Variants in COPE observed in about 807,000 individuals in gnomAD.
The protein encoded by COPE is coatomer subunit epsilon.
COPE carries 19 observed loss-of-function variants against 42.1 expected under a neutral mutation model. The observed-to-expected ratio is 0.45, with a 90% CI of 0.31 to 0.66. The LOEUF (loss-of-function observed/expected upper bound fraction) is 0.66, where lower values mean the gene tolerates loss of function less well. Among genes scored for constraint, COPE ranks in the 30% least tolerant of loss-of-function variants. The probability of loss-of-function intolerance (pLI) is 0.05; values close to 1 mark genes in which losing one functional copy is unlikely to be tolerated. For synonymous variants in COPE, 195 were observed against 181.3 expected (o/e 1.08, Z -0.60); for missense variants, 402 against 416.1 (o/e 0.97, Z 0.30).
chr19:18,904,723 T>A, intron 6 of COPE, 48 bp downstream of exon 6: 1 of 1,515,888 alleles, frequency 6.6e-7, no homozygotes, highest in Non-Finnish European at 9.0e-7. Flanking sequence ...CAGACCCTGC[T>A]CAGCCAGGTG....
chr19:18,910,212 G>A (rs866869411), intron 3 of COPE, among the ~76,000 whole-genome samples: 3 of 152,226 alleles, frequency 2.0e-5, no homozygotes, highest in Non-Finnish European at 4.4e-5. Context: ...GCCCATGGGC[G>A]TTTGACCAAC....
intron 4 of COPE, 60 bp from the exon 5 acceptor site, chr19:18,905,689 C>G (rs1192458579): frequency 1.3e-5 from 20 of 1,520,240 alleles, no homozygotes; most frequent in Admixed American, 1.9e-5. Context: ...CATGGCCGCT[C>G]CACACCCAGG....
intron 7 of COPE, among the ~76,000 whole-genome samples, chr19:18,902,339 T>C (rs548302769): frequency 6.6e-6 from 1 of 150,956 alleles, no homozygotes; most frequent in South Asian, 2.1e-4. Context: ...TATATATATA[T>C]TTTTAATTTA....
At chr19:18,901,313 G>T (rs1486458807) in intron 7 of COPE, among the ~76,000 whole-genome samples, 1 of 152,282 alleles carries the variant, frequency 6.6e-6, no homozygotes, top group Non-Finnish European at 1.5e-5. Flanking sequence ...AGAGGATGCG[G>T]CCATGAACAC....
rs371020325 is a variant in COPE at position 18,913,013 on chromosome 19, C to T, written c.160G>A (p.Val54Ile). The change falls in exon 2 of 10, where the codon GTC becomes ATC. Residue 54 changes from valine to isoleucine, a missense_variant. Val to Ile is a conservative substitution (Grantham distance 29). Coordinates refer to ENST00000262812, the MANE Select transcript of COPE (RefSeq NM_007263.4). ...GCCAGGTACGCTCTATACAGGAAGACGTCCCTCTCCACGTCTCTCTCTGGG... is the reference window on the plus strand; with the variant it reads ...GCCAGGTACGCTCTATACAGGAAGATGTCCCTCTCCACGTCTCTCTCTGGG... ...SSPERDVERD[V>I]FLYRAYLAQR... 4.2e-5 allele frequency: 68 copies of T among 1,611,822 alleles called. No individual in the cohort carries two copies. Among genetic ancestry groups the T allele is most frequent in the Non-Finnish European group, 5.2e-5 (61 of 1,179,912 alleles).
Position 18,910,855 on chromosome 19 carries a change from C to A in COPE, c.290+116G>T, listed in dbSNP as rs540551590. On this transcript the variant is annotated intron_variant, in intron 3 of 9. Transcript: ENST00000262812. ...AGCAGGGGAGCAGAGGGGAGAGGCGCCTAATCTGAGGGATGCTGTGCGCTG... is the reference window on the plus strand; with the variant it reads ...AGCAGGGGAGCAGAGGGGAGAGGCGACTAATCTGAGGGATGCTGTGCGCTG... The A allele has an allele frequency of 4.7e-4, 407 of 858,346 alleles. 1 individual carries two copies. In the Middle Eastern group the frequency reaches 8.1e-3, roughly 17 times the overall value. The allele number at this position is 858,346 out of a possible 1,614,324, so 53.2% of individuals were successfully genotyped here.
intron 5 of COPE, 97 bp from the exon 6 acceptor site, chr19:18,904,949 G>T: frequency 8.1e-7 from 1 of 1,227,212 alleles, no homozygotes; most frequent in Non-Finnish European, 1.2e-6. Flanking sequence ...GGAGCCTGGG[G>T]ATGGCCCCTG....
Position 18,919,321 on chromosome 19 carries a change from A to AGGCCGGGCCGGG in COPE, c.16_27dup (p.Pro6_Ala9dup), listed in dbSNP as rs1555711982. On this transcript the variant is annotated inframe_insertion, in exon 1 of 10. Transcript: ENST00000262812. ...TCGTCTACCTCCCCGGAGCCGCCGG[A>AGGCCGGGCCGGG]GGCCGGGCCGGGGGCCGGAGGCGCC... 5.0e-6 allele frequency: 8 copies of AGGCCGGGCCGGG among 1,613,496 alleles called. No homozygotes were observed. Among genetic ancestry groups the AGGCCGGGCCGGG allele is most frequent in the Non-Finnish European group, 6.8e-6 (8 of 1,179,928 alleles).
chr19:18,916,181 T>C (rs1003381644), intron 1 of COPE, among the ~76,000 whole-genome samples: 4 of 151,668 alleles, frequency 2.6e-5, no homozygotes, highest in African/African-American at 9.7e-5. Context: ...CAAGACTCCA[T>C]CTCAAAAACA....
rs774583369 is a variant in COPE at position 18,903,324 on chromosome 19, T to A, written c.679A>T (p.Met227Leu). The A allele has an allele frequency of 6.2e-7, 1 of 1,612,406 alleles. No homozygotes were observed. Among genetic ancestry groups the A allele is most frequent in the Admixed American group, 1.7e-5 (1 of 59,932 alleles). The change falls in exon 7 of 10, where the codon ATG (methionine) becomes TTG (leucine). Residue 227 changes from methionine to leucine, a missense_variant. Transcript: ENST00000262812. ...GCGGCCTCCCAGCGGCCCTGGGCCATGTGGCAGGCCGCCTGCCCATTGAGC... is the reference window on the plus strand; with the variant it reads ...GCGGCCTCCCAGCGGCCCTGGGCCAAGTGGCAGGCCGCCTGCCCATTGAGC... ...LLLNGQAACHMAQGRWEAAEG... is the reference protein window; with the variant it reads ...LLLNGQAACHLAQGRWEAAEG...
intron 5 of COPE, 97 bp from the exon 6 acceptor site, chr19:18,904,949 G>A (rs2056744597): frequency 4.1e-6 from 5 of 1,227,098 alleles, no homozygotes; most frequent in Non-Finnish European, 5.8e-6. Flanking sequence ...GGAGCCTGGG[G>A]ATGGCCCCTG....
intron 1 of COPE, among the ~76,000 whole-genome samples, chr19:18,915,907 TG>T (rs2056849972): frequency 6.6e-6 from 1 of 152,186 alleles, no homozygotes; most frequent in Non-Finnish European, 1.5e-5. Context: ...AGCCTAGTGC[TG>T]GGGGCAGCAA....
chr19:18,901,053 C>T (rs1343307502), intron 7 of COPE, among the ~76,000 whole-genome samples: 1 of 152,230 alleles, frequency 6.6e-6, no homozygotes, highest in Non-Finnish European at 1.5e-5. Flanking sequence ...TCAGTCTCCA[C>T]CATGAAGGGG....
chr19:18,905,759 C>G, intron 4 of COPE, 130 bp from the exon 5 acceptor site: 1 of 873,360 alleles, frequency 1.1e-6, no homozygotes, highest in Non-Finnish European at 1.7e-6. Context: ...CAGCCCCGCC[C>G]AGCAGAGGAG....
intron 6 of COPE, among the ~76,000 whole-genome samples, chr19:18,903,860 A>G (rs1263475523): frequency 6.6e-6 from 1 of 152,234 alleles, no homozygotes; most frequent in Non-Finnish European, 1.5e-5. Context: ...CAGTGAAAAC[A>G]GCCCAAACTA....
chr19:18,902,664 C>CA lies in COPE; in HGVS notation c.735+603dup, dbSNP rs58795923. 9.3e-3 allele frequency among the ~76,000 whole-genome samples: 385 copies of CA among 41,254 alleles called. 22 individuals are homozygous for CA. The highest frequency in any genetic ancestry group is 0.012 in the Non-Finnish European group (300 of 24,572). 27.1% of individuals were successfully genotyped at this position (41,254 alleles called of 152,430 possible). A position where few individuals can be genotyped will look rare whatever the true frequency, so the allele number is the denominator to read the frequency against. Reference sequence around the variant, plus strand: ...TGGGTGACAGAGTGAGACTCCATCTCAAAAAAAAAAAAAAAGAAGAAAGGA... The same window carrying CA: ...TGGGTGACAGAGTGAGACTCCATCTCAAAAAAAAAAAAAAAAGAAGAAAGGA... On this transcript the variant is annotated intron_variant, in intron 7 of 9. Coordinates refer to ENST00000262812, the MANE Select transcript of COPE (RefSeq NM_007263.4).
chr19:18,905,236 C>G (rs1326409541), intron 5 of COPE, among the ~76,000 whole-genome samples: 2 of 152,208 alleles, frequency 1.3e-5, no homozygotes, highest in African/African-American at 2.4e-5. Flanking sequence ...CCTGGTGATG[C>G]CACGTGCAGG....
intron 1 of COPE, among the ~76,000 whole-genome samples, chr19:18,914,191 C>T (rs1043516401): frequency 6.6e-6 from 1 of 152,126 alleles, no homozygotes; most frequent in African/African-American, 2.4e-5. Context: ...GAAATCGAGC[C>T]CCACCTGCAA....
chr19:18,905,144 G>C (rs935394771), intron 5 of COPE, among the ~76,000 whole-genome samples: 1 of 152,162 alleles, frequency 6.6e-6, no homozygotes, highest in Non-Finnish European at 1.5e-5. Context: ...AAGGGCAACG[G>C]AACTACAGTG....
Sources: allele counts gnomAD v4.1 joint callset (sites outside exome capture counted in the v4.1 genomes callset), GRCh38; gene constraint gnomAD v4.1.1; transcripts MANE v1.5; gene names NCBI Gene and HGNC (gene_info 2026-07-23, HGNC 2026-07-21).